The following HECW2 variants were observed in gnomAD, a reference collection of about 807,000 sequenced individuals.
The protein encoded by HECW2 is E3 ubiquitin-protein ligase HECW2.
In HECW2, 61 loss-of-function variants were observed where a neutral mutation model predicts 175.2. The ratio of observed to expected loss-of-function variants is 0.35; its 90% CI spans 0.28 to 0.43. The LOEUF (loss-of-function observed/expected upper bound fraction) is 0.43. HECW2 is among the 20% of genes least tolerant of loss of function. The pLI is 1.00. For missense variants in HECW2, 1,524 were observed against 2,000.5 expected, an observed-to-expected ratio of 0.76 and a Z score of 4.54; for synonymous variants, 671 against 731.0, an observed-to-expected ratio of 0.92 and a Z score of 1.32.
chr2:196,285,877 C>A (rs1690369074), intron 14 of HECW2, among the ~76,000 whole-genome samples: 1 of 152,192 alleles, frequency 6.6e-6, no homozygotes, highest in South Asian at 2.1e-4. Context: ...GACTGCAGCT[C>A]TAAAGGTGCT....
intron 1 of HECW2, among the ~76,000 whole-genome samples, chr2:196,491,079 C>T (rs549653733): frequency 3.3e-5 from 5 of 152,032 alleles, no homozygotes; most frequent in Non-Finnish European, 7.3e-5. Context: ...AAATCACGCA[C>T]TCAAAATACA....
intron 14 of HECW2, chr2:196,288,899 C>A (rs2106019349): frequency 6.6e-6 from 1 of 152,356 alleles, no homozygotes; most frequent in South Asian, 2.1e-4. Flanking sequence ...GGGTGCAAAT[C>A]CAATTCCACC....
chr2:196,300,285 TA>T (rs1690995636), intron 13 of HECW2, among the ~76,000 whole-genome samples: 1 of 152,224 alleles, frequency 6.6e-6, no homozygotes, highest in Non-Finnish European at 1.5e-5. Context: ...GCCAAAACCC[TA>T]AAATATTTAC....
In HECW2 at chr2:196,503,337, C is replaced by T. The variant is rs971801788; in HGVS notation, c.-35-69879G>A. ...GCATACATTCCCTTGGGCCTACGGA[C>T]TCCTTGCCCTGTGCAGAGGGGCAAG... On this transcript the variant is annotated intron_variant, in intron 1 of 28. Transcript: ENST00000644978. 5.3e-5 allele frequency among the ~76,000 whole-genome samples: 8 copies of T among 152,134 alleles called. 1 individual carries two copies. The highest frequency in any genetic ancestry group is 2.0e-4 in the Admixed American group (3 of 15,286).
chr2:196,355,150 CA>C (rs1693317532), intron 2 of HECW2, among the ~76,000 whole-genome samples: 1 of 152,096 alleles, frequency 6.6e-6, no homozygotes, highest in Admixed American at 6.6e-5. Flanking sequence ...AAGGCATTTG[CA>C]ATAGTTGCAT....
intron 18 of HECW2, among the ~76,000 whole-genome samples, chr2:196,254,537 T>C (rs999298216): frequency 6.6e-6 from 1 of 152,238 alleles, no homozygotes; most frequent in Non-Finnish European, 1.5e-5. Context: ...CTCCCTTGTT[T>C]ACCCTGGCTA....
chr2:196,367,318 T>C (rs1479714171), intron 2 of HECW2, among the ~76,000 whole-genome samples: 1 of 152,172 alleles, frequency 6.6e-6, no homozygotes, highest in Non-Finnish European at 1.5e-5. Context: ...AGGTATAGGA[T>C]GGGTCTTAGG....
At chr2:196,270,367 G>T (rs193082603) in intron 17 of HECW2, among the ~76,000 whole-genome samples, 347 of 152,318 alleles carry the variant, frequency 2.3e-3, no homozygotes, top group South Asian at 0.013. Flanking sequence ...ATGTATTCAG[G>T]AAAGTAAAAC....
At chr2:196,315,404 C>T (rs1281357705) in intron 10 of HECW2, among the ~76,000 whole-genome samples, 1 of 152,010 alleles carries the variant, frequency 6.6e-6, no homozygotes, top group African/African-American at 2.4e-5. Flanking sequence ...GATACACTGG[C>T]CCCCCACCCA....
At chr2:196,229,932 A>T (rs1687989407) in intron 21 of HECW2, among the ~76,000 whole-genome samples, 2 of 152,206 alleles carry the variant, frequency 1.3e-5, no homozygotes, top group African/African-American at 4.8e-5. Flanking sequence ...ATATTAAAAT[A>T]AAAAAGTCAG....
intron 2 of HECW2, among the ~76,000 whole-genome samples, chr2:196,348,822 C>T (rs1693060003): frequency 6.6e-6 from 1 of 152,168 alleles, no homozygotes; most frequent in Non-Finnish European, 1.5e-5. Flanking sequence ...TTGGCCACTT[C>T]CCTTTCTCGT....
chr2:196,399,647 A>C (rs996960894), intron 2 of HECW2, among the ~76,000 whole-genome samples: 1 of 152,254 alleles, frequency 6.6e-6, no homozygotes, highest in African/African-American at 2.4e-5. Flanking sequence ...AAGCCACTGT[A>C]GTAGGTAACA....
At chr2:196,403,303 G>GATAC (rs1266314972) in intron 2 of HECW2, among the ~76,000 whole-genome samples, 24 of 152,136 alleles carry the variant, frequency 1.6e-4, no homozygotes, top group Non-Finnish European at 2.5e-4. Flanking sequence ...GTATTTAACA[G>GATAC]ATACATGTTC....
At chr2:196,278,720 A>G in intron 14 of HECW2, 58 bp from the exon 15 acceptor site, 1 of 1,585,758 alleles carries the variant, frequency 6.3e-7, no homozygotes, top group Non-Finnish European at 8.7e-7. Context: ...GCTGACTTAT[A>G]ACATCAGACG....
intron 1 of HECW2, among the ~76,000 whole-genome samples, chr2:196,518,934 G>T (rs940099086): frequency 7.2e-5 from 11 of 152,138 alleles, no homozygotes; most frequent in Non-Finnish European, 1.6e-4. Context: ...AGAATCTTGA[G>T]AACCTGAACA....
chr2:196,417,492 C>A (rs990633778), intron 2 of HECW2, among the ~76,000 whole-genome samples: 19 of 152,306 alleles, frequency 1.2e-4, no homozygotes, highest in African/African-American at 3.6e-4. Context: ...GCTGCCCAAG[C>A]TGGACTCAAA....
intron 1 of HECW2, among the ~76,000 whole-genome samples, chr2:196,515,724 G>A (rs1309229780): frequency 6.6e-6 from 1 of 152,148 alleles, no homozygotes; most frequent in Non-Finnish European, 1.5e-5. Flanking sequence ...GGATAAAAGT[G>A]GAAAGTTAAT....
intron 14 of HECW2, among the ~76,000 whole-genome samples, chr2:196,285,212 G>T (rs1390605711): frequency 6.6e-6 from 1 of 151,916 alleles, no homozygotes; most frequent in Non-Finnish European, 1.5e-5. Flanking sequence ...AAAAGAAAAA[G>T]CCATCACTAT....
At chr2:196,246,908 A>T (rs550038143) in intron 19 of HECW2, among the ~76,000 whole-genome samples, 1 of 152,318 alleles carries the variant, frequency 6.6e-6, no homozygotes, top group African/African-American at 2.4e-5. Context: ...TAAATGCAAA[A>T]ATTCTTTTGC....
Sources: allele counts gnomAD v4.1 joint callset (sites outside exome capture counted in the v4.1 genomes callset), GRCh38; gene constraint gnomAD v4.1.1; transcripts MANE v1.5; gene names NCBI Gene and HGNC (gene_info 2026-07-23, HGNC 2026-07-21).